Variants in KCNIP4 observed in about 807,000 individuals in gnomAD.
The protein encoded by KCNIP4 is Kv channel-interacting protein 4.
KCNIP4 carries 12 observed loss-of-function variants against 34.0 expected under a neutral mutation model. The ratio of observed to expected loss-of-function variants is 0.35; its 90% confidence interval spans 0.23 to 0.57. The LOEUF (loss-of-function observed/expected upper bound fraction) is 0.57. KCNIP4 is among the 20% of genes least tolerant of loss of function. The pLI is 0.83. For missense variants in KCNIP4, 238 were observed against 311.7 expected, an observed-to-expected ratio of 0.76 and a Z score of 1.78; for synonymous variants, 124 against 102.2, an observed-to-expected ratio of 1.21 and a Z score of -1.29.
intron 1 of KCNIP4, among the ~76,000 whole-genome samples, chr4:20,890,432 C>T (rs755908108): frequency 2.6e-5 from 4 of 151,978 alleles, no homozygotes; most frequent in Non-Finnish European, 5.9e-5. Context: ...AAAATATCTA[C>T]ATAAGATGAA....
chr4:20,962,043 C>T (rs1388616434), intron 1 of KCNIP4, among the ~76,000 whole-genome samples: 2 of 152,166 alleles, frequency 1.3e-5, no homozygotes, highest in South Asian at 2.1e-4. Flanking sequence ...CTTTCTTCCT[C>T]CTTGGGGAGG....
At chr4:21,792,220 C>G (rs1720341573) in intron 1 of KCNIP4, among the ~76,000 whole-genome samples, 1 of 151,910 alleles carries the variant, frequency 6.6e-6, no homozygotes, top group Non-Finnish European at 1.5e-5. Flanking sequence ...TTCCCAGTGT[C>G]TAGAATGTGG....
intron 1 of KCNIP4, among the ~76,000 whole-genome samples, chr4:21,516,359 A>T (rs758741823): frequency 6.6e-6 from 1 of 152,222 alleles, no homozygotes; most frequent in Non-Finnish European, 1.5e-5. Context: ...AGAAACTGTC[A>T]CATGTGCATA....
intron 3 of KCNIP4, among the ~76,000 whole-genome samples, chr4:20,801,409 T>A (rs969162524): frequency 6.6e-6 from 1 of 152,120 alleles, no homozygotes; most frequent in East Asian, 1.9e-4. Context: ...AGTACTATAA[T>A]GGTGGTATGT....
At chr4:21,599,597 C>T (rs1480875644) in intron 1 of KCNIP4, among the ~76,000 whole-genome samples, 5 of 151,956 alleles carry the variant, frequency 3.3e-5, no homozygotes, top group Non-Finnish European at 2.9e-5. Flanking sequence ...CAAAATAATA[C>T]CACAGTAAGT....
chr4:21,086,559 T>C (rs1353003006), intron 1 of KCNIP4, among the ~76,000 whole-genome samples: 2 of 152,180 alleles, frequency 1.3e-5, no homozygotes, highest in African/African-American at 4.8e-5. Context: ...GAAGTATAAT[T>C]TGACACAGGA....
chr4:21,370,896 T>TGA (rs1720375455), intron 1 of KCNIP4, among the ~76,000 whole-genome samples: 1 of 115,704 alleles, frequency 8.6e-6, no homozygotes, highest in Non-Finnish European at 1.7e-5. Flanking sequence ...TGTGTGTGTG[T>TGA]GTGTGTATTA....
intron 1 of KCNIP4, among the ~76,000 whole-genome samples, chr4:21,293,175 T>C (rs1763636523): frequency 1.3e-5 from 2 of 152,234 alleles, no homozygotes; most frequent in Non-Finnish European, 2.9e-5. Flanking sequence ...ATCTAATAAT[T>C]AATGGTTACA....
chr4:21,856,447 G>A (rs9884843), intron 1 of KCNIP4, among the ~76,000 whole-genome samples: 130,230 of 152,220 alleles, frequency 0.86, 56,093 homozygotes, highest in South Asian at 0.91. Context: ...TGCCGCATGC[G>A]GCGGGAGAGG....
intron 2 of KCNIP4, among the ~76,000 whole-genome samples, chr4:20,876,571 C>CT (rs375545857): frequency 0.039 from 5,711 of 146,394 alleles, 112 homozygotes; most frequent in African/African-American, 0.059. Context: ...GGGAAGAAAT[C>CT]TTTTTTTTTT....
chr4:21,792,716 G>A (rs10002735), intron 1 of KCNIP4, among the ~76,000 whole-genome samples: 16,041 of 152,134 alleles, frequency 0.11, 2,885 homozygotes, highest in African/African-American at 0.37. Flanking sequence ...GACTGCACAG[G>A]GCTGCAGACA....
intron 1 of KCNIP4, among the ~76,000 whole-genome samples, chr4:21,518,038 A>T (rs1451208634): frequency 6.6e-6 from 1 of 152,208 alleles, no homozygotes; most frequent in Admixed American, 6.5e-5. Context: ...CTTCAAGGTC[A>T]TACTGCTAGT....
At chr4:21,740,711 A>T (rs578218929) in intron 1 of KCNIP4, among the ~76,000 whole-genome samples, 1 of 152,168 alleles carries the variant, frequency 6.6e-6, no homozygotes, top group Non-Finnish European at 1.5e-5. Context: ...TAATTCCACC[A>T]TTTATCTTGA....
intron 1 of KCNIP4, among the ~76,000 whole-genome samples, chr4:21,443,939 G>A (rs1727721085): frequency 6.6e-6 from 1 of 151,074 alleles, no homozygotes; most frequent in Non-Finnish European, 1.5e-5. Context: ...ATGATAAAGG[G>A]GATATCACCA....
chr4:20,738,762 A>G (rs1364972224), intron 5 of KCNIP4, among the ~76,000 whole-genome samples: 1 of 152,152 alleles, frequency 6.6e-6, no homozygotes, highest in African/African-American at 2.4e-5. Context: ...GATGCAGCCC[A>G]CAGAGTGTGA....
At chr4:21,550,519 T>C (rs1738496128) in intron 1 of KCNIP4, among the ~76,000 whole-genome samples, 1 of 152,070 alleles carries the variant, frequency 6.6e-6, no homozygotes, top group Non-Finnish European at 1.5e-5. Flanking sequence ...CAATGGGTCA[T>C]TTCAGCTGCT....
intron 5 of KCNIP4, among the ~76,000 whole-genome samples, chr4:20,744,547 C>T (rs922407667): frequency 1.3e-5 from 2 of 151,208 alleles, no homozygotes; most frequent in African/African-American, 4.9e-5. Context: ...TGTTCTCACT[C>T]ATAGGTGGGA....
intron 1 of KCNIP4, among the ~76,000 whole-genome samples, chr4:21,869,799 T>C (rs59693370): frequency 6.9e-4 from 100 of 145,716 alleles, no homozygotes; most frequent in South Asian, 4.3e-3. Flanking sequence ...GACAGACAGA[T>C]AGATAGATAT....
chr4:21,019,571 T>G (rs1739862385), intron 1 of KCNIP4, among the ~76,000 whole-genome samples: 1 of 152,138 alleles, frequency 6.6e-6, no homozygotes, highest in Non-Finnish European at 1.5e-5. Flanking sequence ...GGAACACAAT[T>G]TAGCCCATAG....
Sources: allele counts gnomAD v4.1 joint callset (sites outside exome capture counted in the v4.1 genomes callset), GRCh38; gene constraint gnomAD v4.1.1; transcripts MANE v1.5; gene names NCBI Gene and HGNC (gene_info 2026-07-23, HGNC 2026-07-21).